Variants in DSCAM observed in about 807,000 individuals in gnomAD.
The protein encoded by DSCAM is cell adhesion molecule DSCAM.
Under a neutral mutation model 217.7 loss-of-function variants are expected in DSCAM, and 47 were observed. The ratio of observed to expected loss-of-function variants is 0.22; its 90% CI spans 0.17 to 0.28. The LOEUF (loss-of-function observed/expected upper bound fraction) is 0.28. Among genes scored for constraint, DSCAM ranks in the 10% least tolerant of loss-of-function variants. The probability of loss-of-function intolerance (pLI) is 1.00; values close to 1 mark genes in which losing one functional copy is unlikely to be tolerated. For missense variants in DSCAM, 2,080 were observed against 2,618.3 expected (o/e 0.79, Z 4.49); for synonymous variants, 1,056 against 1,015.3 (o/e 1.04, Z -0.76).
chr21:40,188,779 T>A (rs1427376713), intron 12 of DSCAM, among the ~76,000 whole-genome samples: 1 of 138,846 alleles, frequency 7.2e-6, no homozygotes, highest in Non-Finnish European at 1.5e-5. Flanking sequence ...AAAACCTTAT[T>A]TCTCACTTTT....
chr21:40,768,859 T>G (rs2091419583), intron 1 of DSCAM, among the ~76,000 whole-genome samples: 1 of 152,178 alleles, frequency 6.6e-6, no homozygotes, highest in African/African-American at 2.4e-5. Context: ...GTATGGAAGA[T>G]CTTATAGAAC....
intron 3 of DSCAM, among the ~76,000 whole-genome samples, chr21:40,495,594 T>C (rs1037160984): frequency 6.6e-6 from 1 of 152,096 alleles, no homozygotes. Flanking sequence ...TGATGAAAAA[T>C]TGAAAGTTTT....
intron 32 of DSCAM, among the ~76,000 whole-genome samples, chr21:40,014,902 C>T (rs73221334): frequency 0.18 from 27,274 of 152,236 alleles, 3,035 homozygotes; most frequent in Non-Finnish European, 0.25. Context: ...TTCCTACCTG[C>T]ATTACTATAG....
chr21:40,423,526 T>C (rs2123824904), intron 3 of DSCAM, among the ~76,000 whole-genome samples: 1 of 152,332 alleles, frequency 6.6e-6, no homozygotes, highest in Admixed American at 6.5e-5. Flanking sequence ...TACAAAGTCC[T>C]AGGATCAAGG....
intron 3 of DSCAM, among the ~76,000 whole-genome samples, chr21:40,425,028 G>A (rs546311702): frequency 1.8e-4 from 28 of 152,200 alleles, no homozygotes; most frequent in African/African-American, 6.5e-4. Flanking sequence ...AACCTGGGGG[G>A]TGGAGGTTGC....
At chr21:40,778,922 G>A (rs960001045) in intron 1 of DSCAM, among the ~76,000 whole-genome samples, 1 of 151,762 alleles carries the variant, frequency 6.6e-6, no homozygotes, top group East Asian at 1.9e-4. Context: ...TACTCGGTAG[G>A]CTGAGGCAGG....
chr21:40,156,492 T>G (rs910059149), intron 16 of DSCAM, among the ~76,000 whole-genome samples: 16 of 152,118 alleles, frequency 1.1e-4, no homozygotes, highest in African/African-American at 3.9e-4. Flanking sequence ...ATTTTATAAC[T>G]GGAAGGAATT....
rs62223789 is a variant in DSCAM, at chr21:40,306,227, A to G, written c.2062+5854T>C. Among the ~76,000 whole-genome samples, 990 of 126,626 alleles carry G rather than the reference A, an allele frequency of 7.8e-3. 11 individuals are homozygous for G. The highest frequency in any genetic ancestry group is 0.029 in the East Asian group (87 of 3,034). 83.1% of individuals were successfully genotyped at this position (126,626 alleles called of 152,430 possible). ...CAATTGTGAATGGGAGTTCACTCATAATTTGGCTCTCTGTTTGTCTGTTAT... is the reference window on the plus strand; with the variant it reads ...CAATTGTGAATGGGAGTTCACTCATGATTTGGCTCTCTGTTTGTCTGTTAT... On this transcript the variant is annotated intron_variant, in intron 9 of 32. Coordinates refer to ENST00000400454, the MANE Select transcript of DSCAM (RefSeq NM_001389.5).
intron 3 of DSCAM, among the ~76,000 whole-genome samples, chr21:40,657,490 A>G (rs992337024): frequency 6.6e-6 from 1 of 152,192 alleles, no homozygotes; most frequent in African/African-American, 2.4e-5. Context: ...AACTGCAAGA[A>G]AAAGAAAAAG....
At chr21:40,370,327 G>A (rs1376173299) in intron 3 of DSCAM, among the ~76,000 whole-genome samples, 3 of 151,054 alleles carry the variant, frequency 2.0e-5, no homozygotes, top group Non-Finnish European at 4.4e-5. Flanking sequence ...TACACCTCCT[G>A]CCACCGTTAG....
At chr21:40,708,949 A>C (rs1271051229) in intron 1 of DSCAM, among the ~76,000 whole-genome samples, 178 bp from the exon 2 acceptor site, 2 of 152,242 alleles carry the variant, frequency 1.3e-5, no homozygotes, top group Non-Finnish European at 2.9e-5. Flanking sequence ...ATACTAAAAA[A>C]TAAGGCACCA....
intron 1 of DSCAM, among the ~76,000 whole-genome samples, chr21:40,789,553 ATT>A (rs3071032): frequency 0.064 from 8,289 of 128,652 alleles, 349 homozygotes; most frequent in African/African-American, 0.15. Flanking sequence ...GAGTAGATTG[ATT>A]TTTTTTTTTT....
At chr21:40,827,905 G>A (rs554696013) in intron 1 of DSCAM, among the ~76,000 whole-genome samples, 1 of 152,338 alleles carries the variant, frequency 6.6e-6, no homozygotes, top group African/African-American at 2.4e-5. Flanking sequence ...TTTCAGCACA[G>A]TTAGTTTGAG....
rs1349773543 is a variant in DSCAM at position 40,843,075 on chromosome 21, A to C, written c.43+3544T>G. ...TCACCTGATAACATTTCTTCCTTAC[A>C]TACATTTATGTGAATTAAATAAAAA... is the stretch of plus-strand genomic sequence containing the variant. On this transcript the variant is annotated intron_variant, in intron 1 of 32. Transcript: ENST00000400454. 4.6e-5 allele frequency among the ~76,000 whole-genome samples: 7 copies of C among 152,180 alleles called. No homozygotes were observed. The East Asian group carries it at 1.3e-3, about 29-fold the overall frequency.
intron 3 of DSCAM, among the ~76,000 whole-genome samples, chr21:40,423,678 C>A (rs1240573781): frequency 6.6e-6 from 1 of 152,148 alleles, no homozygotes; most frequent in Non-Finnish European, 1.5e-5. Flanking sequence ...GTGCCTTATA[C>A]CCCTTGGTCG....
intron 1 of DSCAM, among the ~76,000 whole-genome samples, chr21:40,824,215 C>G (rs2091950577): frequency 6.6e-6 from 1 of 152,056 alleles, no homozygotes; most frequent in Non-Finnish European, 1.5e-5. Context: ...GTGGAATTAG[C>G]CTTTGCTTGG....
intron 32 of DSCAM, among the ~76,000 whole-genome samples, chr21:40,019,255 G>A (rs2088219836): frequency 6.6e-6 from 1 of 152,174 alleles, no homozygotes; most frequent in Non-Finnish European, 1.5e-5. Context: ...GGTGACCATG[G>A]GGACATTGGC....
At chr21:40,494,858 TTAGC>T (rs1568851652) in intron 3 of DSCAM, among the ~76,000 whole-genome samples, 1 of 147,042 alleles carries the variant, frequency 6.8e-6, no homozygotes, top group Non-Finnish European at 1.5e-5. Flanking sequence ...CAACAAATCG[TTAGC>T]TAGACTAAGA....
At chr21:40,379,338 G>A (rs1338328277) in intron 3 of DSCAM, among the ~76,000 whole-genome samples, 2 of 152,208 alleles carry the variant, frequency 1.3e-5, no homozygotes, top group Admixed American at 1.3e-4. Flanking sequence ...CACAGTAGAC[G>A]TAAACCAAAC....
Sources: gnomAD v4.1 joint callset for allele counts (sites outside exome capture counted in the v4.1 genomes callset) on GRCh38, gnomAD v4.1.1 for gene constraint, MANE v1.5 for transcripts, NCBI Gene and HGNC (gene_info 2026-07-23, HGNC 2026-07-21) for gene names.